SAMMSON: variants seen among roughly 807,000 people sequenced by gnomAD.
The protein encoded by SAMMSON is survival associated mitochondrial melanoma specific oncogenic non-coding RNA.
chr3:70,206,539 T>C, intron 4 of SAMMSON: 1 of 397,442 alleles, frequency 2.5e-6, no homozygotes, highest in Non-Finnish European at 4.4e-6. Context: ...GAGCTTTATT[T>C]AGAGATGGGT....
intron 7 of SAMMSON, among the ~76,000 whole-genome samples, chr3:70,296,454 C>A (rs1702289557): frequency 6.6e-6 from 1 of 152,040 alleles, no homozygotes; most frequent in South Asian, 2.1e-4. Flanking sequence ...GTTTATAGAA[C>A]CCATCACCTC....
intron 4 of SAMMSON, among the ~76,000 whole-genome samples, chr3:70,246,799 G>GA (rs1369448319): frequency 6.6e-6 from 1 of 151,814 alleles, no homozygotes; most frequent in East Asian, 1.9e-4. Flanking sequence ...TTTTTAGAGG[G>GA]AAAAAAACCC....
intron 2 of SAMMSON, among the ~76,000 whole-genome samples, chr3:70,422,262 C>T (rs577108749): frequency 2.4e-4 from 37 of 152,128 alleles, no homozygotes; most frequent in Non-Finnish European, 4.7e-4. Flanking sequence ...CTCCATAACT[C>T]CCCCACCAAC....
chr3:70,062,666 C>G (rs1054842474), intron 3 of SAMMSON, among the ~76,000 whole-genome samples: 5 of 152,100 alleles, frequency 3.3e-5, no homozygotes, highest in Admixed American at 1.3e-4. Context: ...CCTCTAATGT[C>G]TCCTCTCTGC....
chr3:70,111,838 G>A (rs2067390697), intron 4 of SAMMSON, among the ~76,000 whole-genome samples: 2 of 152,064 alleles, frequency 1.3e-5, no homozygotes, highest in South Asian at 4.1e-4. Context: ...AGGAGAGAGG[G>A]GAAAGGGAGA....
chr3:70,222,620 T>G (rs1388703550), intron 4 of SAMMSON, among the ~76,000 whole-genome samples: 1 of 152,124 alleles, frequency 6.6e-6, no homozygotes, highest in East Asian at 1.9e-4. Flanking sequence ...AGAATAATAC[T>G]TAAGATGGAA....
chr3:70,263,247 G>A (rs1470757589), intron 6 of SAMMSON, among the ~76,000 whole-genome samples: 2 of 152,044 alleles, frequency 1.3e-5, no homozygotes, highest in Admixed American at 6.6e-5. Flanking sequence ...TTTACTGTAT[G>A]CTGGGTATTA....
chr3:70,343,280 A>AT (rs1241132137), intron 7 of SAMMSON, among the ~76,000 whole-genome samples: 2 of 151,946 alleles, frequency 1.3e-5, no homozygotes, highest in Non-Finnish European at 2.9e-5. Context: ...TATTTTATTC[A>AT]TTTTTTTAGT....
At chr3:70,137,003 T>G (rs1464989429) in intron 4 of SAMMSON, among the ~76,000 whole-genome samples, 1 of 152,200 alleles carries the variant, frequency 6.6e-6, no homozygotes, top group Non-Finnish European at 1.5e-5. Context: ...CACAATATTA[T>G]GAGTCATACA....
intron 4 of SAMMSON, among the ~76,000 whole-genome samples, chr3:70,105,936 A>G (rs765595894): frequency 6.6e-6 from 1 of 152,092 alleles, no homozygotes; most frequent in Non-Finnish European, 1.5e-5. Context: ...AGTGTTTTTC[A>G]TTTCCTTCAT....
chr3:70,147,214 T>G (rs2067552552), intron 4 of SAMMSON, among the ~76,000 whole-genome samples: 1 of 152,122 alleles, frequency 6.6e-6, no homozygotes, highest in East Asian at 1.9e-4. Flanking sequence ...AATTGGAAGA[T>G]CTATACATAG....
chr3:70,088,630 T>C (rs915459103), intron 4 of SAMMSON, among the ~76,000 whole-genome samples: 2 of 152,216 alleles, frequency 1.3e-5, no homozygotes, highest in Admixed American at 6.5e-5. Context: ...GTATTTGATA[T>C]GGATGAGCTA....
At chr3:70,296,334 GA>G (rs2106697765) in intron 7 of SAMMSON, among the ~76,000 whole-genome samples, 1 of 152,148 alleles carries the variant, frequency 6.6e-6, no homozygotes, top group African/African-American at 2.4e-5. Context: ...GTAAGAGACT[GA>G]AACAGACTCT....
intron 3 of SAMMSON, among the ~76,000 whole-genome samples, chr3:70,047,005 C>T (rs1331571818): frequency 6.6e-6 from 1 of 152,114 alleles, no homozygotes; most frequent in Non-Finnish European, 1.5e-5. Flanking sequence ...ACATCCTTCA[C>T]CTTTGTTACA....
At chr3:70,313,105 T>TATTCCAAAGGGAGTTTGGAATAAC (rs1702469263) in intron 7 of SAMMSON, among the ~76,000 whole-genome samples, 2 of 152,194 alleles carry the variant, frequency 1.3e-5, no homozygotes, top group Non-Finnish European at 2.9e-5. Context: ...CATCTGTAGA[T>TATTCCAAAGGGAGTTTGGAATAAC]ATTCCAAAGG....
intron 4 of SAMMSON, among the ~76,000 whole-genome samples, chr3:70,231,851 A>C (rs893318936): frequency 6.6e-6 from 1 of 152,134 alleles, no homozygotes; most frequent in African/African-American, 2.4e-5. Context: ...GGAAGCTACT[A>C]AACAGGCCTG....
chr3:70,215,310 G>A (rs1454027134), intron 4 of SAMMSON, among the ~76,000 whole-genome samples: 1 of 152,020 alleles, frequency 6.6e-6, no homozygotes. Flanking sequence ...AATTCCTATG[G>A]CAGTCAGACT....
intron 6 of SAMMSON, among the ~76,000 whole-genome samples, chr3:70,253,439 G>C (rs75081251): frequency 1.1e-3 from 168 of 152,234 alleles, no homozygotes; most frequent in African/African-American, 3.9e-3. Context: ...TTTCGGTGGG[G>C]CACCTTATTT....
chr3:70,025,619 C>T (rs763343534), intron 3 of SAMMSON, among the ~76,000 whole-genome samples: 1 of 152,126 alleles, frequency 6.6e-6, no homozygotes, highest in Non-Finnish European at 1.5e-5. Flanking sequence ...AAATAGCAAA[C>T]AGAAAGATGA....
Sources: gnomAD v4.1 joint callset for allele counts (sites outside exome capture counted in the v4.1 genomes callset) on GRCh38, gnomAD v4.1.1 for gene constraint, MANE v1.5 for transcripts, NCBI Gene and HGNC (gene_info 2026-07-23, HGNC 2026-07-21) for gene names.